Variants in DNAH5 observed in about 807,000 individuals in gnomAD.
DNAH5 encodes the protein axonemal beta dynein heavy chain 5.
DNAH5 carries 372 observed loss-of-function variants against 518.2 expected under a neutral mutation model. The ratio of observed to expected loss-of-function variants is 0.72; its 90% CI spans 0.66 to 0.78. The LOEUF (loss-of-function observed/expected upper bound fraction) is 0.78. Among genes scored for constraint, DNAH5 ranks in the 30% least tolerant of loss-of-function variants. DNAH5 has a pLI of 0.00. For missense variants in DNAH5, 5,523 were observed against 5,687.0 expected (o/e 0.97, Z 0.93); for synonymous variants, 2,039 against 2,025.9 (o/e 1.01, Z -0.17).
intron 7 of DNAH5, 87 bp downstream of exon 7, chr5:13,919,089 T>C: frequency 6.6e-7 from 1 of 1,514,320 alleles, no homozygotes; most frequent in South Asian, 1.1e-5. Flanking sequence ...AATAACATTT[T>C]TTTGTTCCTA....
chr5:13,779,026 G>A (rs1754686567), intron 53 of DNAH5, among the ~76,000 whole-genome samples: 1 of 152,234 alleles, frequency 6.6e-6, no homozygotes, highest in African/African-American at 2.4e-5. Flanking sequence ...GATCAGAGAT[G>A]TTGGGCAAGC....
chr5:13,866,134 C>CT (rs1359363979), intron 26 of DNAH5, 86 bp downstream of exon 26: 42 of 1,291,192 alleles, frequency 3.3e-5, no homozygotes, highest in Non-Finnish European at 4.2e-5. Context: ...ATAGGGCCCT[C>CT]TATCTTACAA....
intron 1 of DNAH5, among the ~76,000 whole-genome samples, chr5:13,975,149 C>T (rs1006801821): frequency 1.3e-4 from 20 of 152,312 alleles, no homozygotes; most frequent in Admixed American, 1.3e-3. Context: ...GTTTATTGGA[C>T]TTACAGTTCC....
At chr5:13,793,763 TC>T (rs1451992875) in intron 48 of DNAH5, 35 bp from the exon 49 acceptor site, 3 of 1,601,762 alleles carry the variant, frequency 1.9e-6, no homozygotes, top group Admixed American at 1.7e-5. Flanking sequence ...AAAGCATCAT[TC>T]CTTTCTATCC....
chr5:13,748,640 A>G (rs1374676383), intron 65 of DNAH5, among the ~76,000 whole-genome samples: 1 of 152,176 alleles, frequency 6.6e-6, no homozygotes, highest in Non-Finnish European at 1.5e-5. Flanking sequence ...TCTTTGAAGC[A>G]ATTGTGAATG....
intron 52 of DNAH5, among the ~76,000 whole-genome samples, chr5:13,782,786 T>A: frequency 6.6e-6 from 1 of 152,152 alleles, no homozygotes; most frequent in East Asian, 1.9e-4. Flanking sequence ...AACAGATACA[T>A]GAACAGAGAA....
Position 13,708,299 on chromosome 5 carries a change from G to A in DNAH5, c.13162C>T (p.Pro4388Ser), listed in dbSNP as rs1743057483. 6 of 1,613,944 alleles carry A rather than the reference G, an allele frequency of 3.7e-6. No homozygotes were observed. In the South Asian group the frequency reaches 4.4e-5, roughly 12 times the overall value. Residue 4388 changes from proline (P) to serine (S), a missense_variant, in exon 76 of 79, where the codon CCT becomes TCT. Coordinates refer to ENST00000265104, the MANE Select transcript of DNAH5 (RefSeq NM_001369.3). ...ERLQKMGPFQ[P>S]MNIFLRQEID... ...TCCTGCCTGAGGAAAATGTTCATAG[G>A]CTGGAATGGCCCCATCTTCTGCAGC...
intron 1 of DNAH5, among the ~76,000 whole-genome samples, chr5:14,008,827 A>T (rs950322488): frequency 1.3e-5 from 2 of 152,208 alleles, no homozygotes. Flanking sequence ...CCATTTTCTC[A>T]ACTCCAGCCT....
At position 13,864,500 on chromosome 5, in the gene DNAH5, C is replaced by T; in HGVS notation, c.4493G>A (p.Arg1498Lys). 1 of 1,614,108 alleles carries T rather than the reference C, an allele frequency of 6.2e-7. No individual in the cohort carries two copies. Among genetic ancestry groups the T allele is most frequent in the Non-Finnish European group, 8.5e-7 (1 of 1,180,016 alleles). Residue 1498 changes from arginine to lysine, a missense_variant, in exon 28 of 79, where the codon AGG becomes AAG. Arg to Lys is a conservative substitution (Grantham distance 26). Coordinates refer to ENST00000265104, the MANE Select transcript of DNAH5 (RefSeq NM_001369.3). The part of the protein sequence containing the change: ...SKAMMERHWE[R>K]ITTLTGHSLD... ...ACTGTGCCCGGTGAGGGTGGTTATC[C>T]TTTCCCAGTGCCGCTCCATCATGGC...
chr5:13,895,645 C>A (rs888041615), intron 15 of DNAH5, among the ~76,000 whole-genome samples: 1 of 152,172 alleles, frequency 6.6e-6, no homozygotes, highest in African/African-American at 2.4e-5. Context: ...CAGTATTGAT[C>A]TCAACTAGTG....
chr5:13,937,056 T>G (rs1261062908), intron 1 of DNAH5, among the ~76,000 whole-genome samples: 1 of 151,830 alleles, frequency 6.6e-6, no homozygotes, highest in Non-Finnish European at 1.5e-5. Context: ...CGTTATTATC[T>G]CCACACCAGG....
At chr5:13,974,964 A>G (rs568318152) in intron 1 of DNAH5, among the ~76,000 whole-genome samples, 1 of 152,232 alleles carries the variant, frequency 6.6e-6, no homozygotes, top group South Asian at 2.1e-4. Context: ...GCTGGGGAGT[A>G]TTGATGAGGC....
chr5:13,855,929 A>G (rs1211880730), intron 30 of DNAH5, among the ~76,000 whole-genome samples: 1 of 152,234 alleles, frequency 6.6e-6, no homozygotes, highest in African/African-American at 2.4e-5. Context: ...GCAGAAATAA[A>G]TAAGTTCTTT....
intron 1 of DNAH5, among the ~76,000 whole-genome samples, chr5:13,976,490 C>A (rs76734396): frequency 0.016 from 2,470 of 152,184 alleles, 34 homozygotes; most frequent in Non-Finnish European, 0.023. Context: ...GGGTTAACAT[C>A]TTAAACCATC....
Position 13,754,225 on chromosome 5 carries a change from A to T in DNAH5, c.10533T>A (p.Ala3511=), listed in dbSNP as rs2126705939. ...ERWTEQSQEF[A]AQTKRLVGDV... is the part of the protein sequence containing the mutation. ...TACCTACAAGTCTTTTAGTTTGTGC[A>T]GCAAACTCTTGGCTTTGCTCTGTCC... The change falls in exon 62 of 79, where the codon GCT becomes GCA. Residue 3511 remains alanine, a synonymous_variant. Coordinates refer to ENST00000265104, the MANE Select transcript of DNAH5 (RefSeq NM_001369.3). The T allele has an allele frequency of 6.2e-7, 1 of 1,614,098 alleles. No homozygotes were observed. Among genetic ancestry groups the T allele is most frequent in the Non-Finnish European group, 8.5e-7 (1 of 1,179,968 alleles).
intron 78 of DNAH5, among the ~76,000 whole-genome samples, chr5:13,698,247 G>A (rs916849232): frequency 6.6e-6 from 1 of 152,168 alleles, no homozygotes; most frequent in Non-Finnish European, 1.5e-5. Flanking sequence ...CCAGTCTGTA[G>A]TATTTTGTTA....
At chr5:13,889,505 G>A (rs769161082) in intron 17 of DNAH5, among the ~76,000 whole-genome samples, 4 of 147,636 alleles carry the variant, frequency 2.7e-5, no homozygotes, top group South Asian at 2.1e-4. Flanking sequence ...TCCCTTGGCC[G>A]GCGTCTGGAA....
intron 31 of DNAH5, among the ~76,000 whole-genome samples, chr5:13,847,147 C>G (rs751362309): frequency 6.6e-4 from 100 of 152,262 alleles, no homozygotes; most frequent in Non-Finnish European, 1.1e-3. Context: ...ACTCCGATTA[C>G]GATCTGATCT....
At chr5:14,007,123 A>G (rs1440424605) in intron 1 of DNAH5, among the ~76,000 whole-genome samples, 1 of 152,204 alleles carries the variant, frequency 6.6e-6, no homozygotes, top group Admixed American at 6.5e-5. Flanking sequence ...CCTCAGCCCC[A>G]ACACAGTTCC....
Sources: allele counts gnomAD v4.1 joint callset (sites outside exome capture counted in the v4.1 genomes callset), GRCh38; gene constraint gnomAD v4.1.1; transcripts MANE v1.5; gene names NCBI Gene and HGNC (gene_info 2026-07-23, HGNC 2026-07-21).